Variants in SCG5 observed in about 807,000 individuals in gnomAD.
SCG5 encodes the protein neuroendocrine protein 7B2.
In SCG5, 18 loss-of-function variants were observed where a neutral mutation model predicts 25.7. The observed-to-expected ratio is 0.70, with a 90% CI of 0.48 to 1.04. The LOEUF is 1.04. Ranked by LOEUF, SCG5 falls within the 50% of genes least tolerant of loss-of-function variation. SCG5 has a pLI of 0.00. For synonymous variants in SCG5, 101 were observed against 91.7 expected, an observed-to-expected ratio of 1.10 and a Z score of -0.58; for missense variants, 206 against 259.8, an observed-to-expected ratio of 0.79 and a Z score of 1.42.
Position 32,697,081 on chromosome 15 carries a change from T to C in SCG5, c.*472T>C, listed in dbSNP as rs557662195. 6.5e-6 allele frequency: 1 copy of C among 153,764 alleles called. No individual in the cohort carries two copies. Among genetic ancestry groups the C allele is most frequent in the African/African-American group, 2.4e-5 (1 of 41,608 alleles). 9.5% of individuals were successfully genotyped at this position (153,764 alleles called of 1,614,324 possible). On this transcript the variant is annotated 3_prime_UTR_variant, in exon 6 of 6. Coordinates refer to ENST00000300175, the MANE Select transcript of SCG5 (RefSeq NM_001144757.3). Reference sequence around the variant, plus strand: ...TCACTTGGCTGCGTCTTAATAAACATGAATGCAAGCATTGGCATATGGAGT... The same window carrying C: ...TCACTTGGCTGCGTCTTAATAAACACGAATGCAAGCATTGGCATATGGAGT...
intron 2 of SCG5, among the ~76,000 whole-genome samples, chr15:32,670,686 C>T (rs1037012016): frequency 2.0e-5 from 3 of 152,216 alleles, no homozygotes; most frequent in African/African-American, 7.2e-5. Flanking sequence ...GCACAAACAT[C>T]AGATGTGTGT....
Position 32,643,727 on chromosome 15 carries a change from T to A in SCG5, c.135T>A (p.His45Gln), listed in dbSNP as rs763500021. 6.2e-7 allele frequency: 1 copy of A among 1,613,858 alleles called. No homozygotes were observed. The highest frequency in any genetic ancestry group is 1.1e-5 in the South Asian group (1 of 91,088). Reference protein sequence around the residue: ...VSEADIQRLLHGVMEQLGIAR... With the variant: ...VSEADIQRLLQGVMEQLGIAR... Reference sequence around the variant, plus strand: ...AAGCAGATATCCAGAGGCTGCTTCATGGTGTTATGGAGCAATTGGGCATTG... The same window carrying A: ...AAGCAGATATCCAGAGGCTGCTTCAAGGTGTTATGGAGCAATTGGGCATTG... Residue 45 changes from histidine to glutamine, a missense_variant, in exon 2 of 6, where the codon CAT becomes CAA. Transcript: ENST00000300175.
chr15:32,676,448 G>T (rs2140563226), intron 2 of SCG5, among the ~76,000 whole-genome samples: 2 of 152,306 alleles, frequency 1.3e-5, no homozygotes. Flanking sequence ...GGCACTTAAT[G>T]CTAGGGTGCT....
chr15:32,673,163 AG>A (rs1464448635), intron 2 of SCG5: 2 of 152,164 alleles, frequency 1.3e-5, no homozygotes. Flanking sequence ...ATGGGGCAGC[AG>A]GATCCTTTCC....
intron 5 of SCG5, 69 bp from the exon 6 acceptor site, chr15:32,696,445 C>T (rs2054965556): frequency 9.0e-7 from 1 of 1,116,208 alleles, no homozygotes; most frequent in African/African-American, 1.5e-5. Context: ...CATTTCTTTT[C>T]TGAGATGTCT....
In SCG5 at chr15:32,648,383, C is replaced by T. The variant is rs545922324; in HGVS notation, c.226+4565C>T. 4.6e-5 allele frequency among the ~76,000 whole-genome samples: 7 copies of T among 152,196 alleles called. No homozygotes were observed. The South Asian group carries it at 8.3e-4, about 18-fold the overall frequency. On this transcript the variant is annotated intron_variant, in intron 2 of 5. Transcript: ENST00000300175. ...CCTGCTTCTATTCTTGATCCCTTTT[C>T]GATTGTTCTTCACAGGAAGAACAGG...
At chr15:32,693,431 T>C (rs957134726) in intron 5 of SCG5, among the ~76,000 whole-genome samples, 8 of 152,184 alleles carry the variant, frequency 5.3e-5, no homozygotes, top group Non-Finnish European at 8.8e-5. Context: ...TTCCTGTTCT[T>C]GGGCATCTAC....
At chr15:32,657,209 A>ATATATATATG in intron 2 of SCG5, among the ~76,000 whole-genome samples, 433 of 38,744 alleles carry the variant, frequency 0.011, 112 homozygotes, top group Middle Eastern at 0.033. Flanking sequence ...GTATATATAT[A>ATATATATATG]TATGTATGTA....
chr15:32,655,673 T>G (rs1455555142), intron 2 of SCG5, among the ~76,000 whole-genome samples: 1 of 152,168 alleles, frequency 6.6e-6, no homozygotes, highest in Non-Finnish European at 1.5e-5. Context: ...GATTAGACCT[T>G]GAGGACTTCA....
rs796385048 is a variant in SCG5, at chr15:32,663,078, T to TAA, written c.227-16687_227-16686dup. 1.9e-3 allele frequency among the ~76,000 whole-genome samples: 99 copies of TAA among 52,198 alleles called. 4 individuals are homozygous for TAA. The East Asian group carries it at 0.029, about 15-fold the overall frequency. The allele number at this position is 52,198 out of a possible 152,430, so 34.2% of individuals were successfully genotyped here. On this transcript the variant is annotated intron_variant, in intron 2 of 5. Coordinates refer to ENST00000300175, the MANE Select transcript of SCG5 (RefSeq NM_001144757.3). ...ATATATATATATATATATATATATATAATATATAATATGTTATATATACAC... is the reference window on the plus strand; with the variant it reads ...ATATATATATATATATATATATATATAAAATATATAATATGTTATATATACAC...
In SCG5 at chr15:32,690,806, G is replaced by GT. The variant is rs999024978; in HGVS notation, c.490-892dup. ...TTACCAGAACTCTGTGGTTGTCTTTGTTTTTTTTTTTTCTTAATGTCAGAG... is the reference window on the plus strand; with the variant it reads ...TTACCAGAACTCTGTGGTTGTCTTTGTTTTTTTTTTTTTCTTAATGTCAGAG... On this transcript the variant is annotated intron_variant, in intron 4 of 5. Transcript: ENST00000300175. 2.9e-3 allele frequency among the ~76,000 whole-genome samples: 415 copies of GT among 141,666 alleles called. 2 individuals carry two copies. The highest frequency in any genetic ancestry group is 4.6e-3 in the Admixed American group (65 of 14,138). 92.9% of individuals were successfully genotyped at this position (141,666 alleles called of 152,430 possible).
At chr15:32,678,709 T>C (rs2054568050) in intron 2 of SCG5, among the ~76,000 whole-genome samples, 1 of 152,162 alleles carries the variant, frequency 6.6e-6, no homozygotes, top group South Asian at 2.1e-4. Context: ...CTGAGGAAAA[T>C]TAATCCAAAA....
At chr15:32,686,542 T>A (rs1284681289) in intron 4 of SCG5, among the ~76,000 whole-genome samples, 1 of 152,030 alleles carries the variant, frequency 6.6e-6, no homozygotes, top group Non-Finnish European at 1.5e-5. Flanking sequence ...TTTCTTTGAA[T>A]GCATTTTAGA....
intron 3 of SCG5, among the ~76,000 whole-genome samples, chr15:32,682,604 C>T (rs192688493): frequency 6.6e-6 from 1 of 152,236 alleles, no homozygotes; most frequent in Non-Finnish European, 1.5e-5. Flanking sequence ...CAGACACTTT[C>T]TTGTCACAGG....
chr15:32,694,895 A>C (rs995332140), intron 5 of SCG5, among the ~76,000 whole-genome samples: 4 of 152,238 alleles, frequency 2.6e-5, no homozygotes, highest in African/African-American at 9.6e-5. Context: ...TTCAAGAGTC[A>C]TGGCAGGTTA....
At chr15:32,651,842 C>G (rs1432878766) in intron 2 of SCG5, among the ~76,000 whole-genome samples, 1 of 152,180 alleles carries the variant, frequency 6.6e-6, no homozygotes, top group Non-Finnish European at 1.5e-5. Context: ...TGTATGTTTA[C>G]AGTGTCCTGG....
intron 2 of SCG5, among the ~76,000 whole-genome samples, chr15:32,679,453 G>C (rs987508924): frequency 2.0e-5 from 3 of 151,900 alleles, no homozygotes; most frequent in Admixed American, 2.0e-4. Context: ...CGCCTACCTC[G>C]GCTTCGCAAA....
At chr15:32,673,379 C>A (rs1389016423) in intron 2 of SCG5, among the ~76,000 whole-genome samples, 2 of 152,096 alleles carry the variant, frequency 1.3e-5, no homozygotes, top group African/African-American at 4.8e-5. Context: ...TTTTAATAAG[C>A]CTGGCTCTCT....
chr15:32,696,052 T>A (rs183863271), intron 5 of SCG5, among the ~76,000 whole-genome samples: 1 of 152,340 alleles, frequency 6.6e-6, no homozygotes, highest in African/African-American at 2.4e-5. Flanking sequence ...AATTGTTTGG[T>A]AGTTGGTAGG....
Sources: gnomAD v4.1 joint callset for allele counts (sites outside exome capture counted in the v4.1 genomes callset) on GRCh38, gnomAD v4.1.1 for gene constraint, MANE v1.5 for transcripts, NCBI Gene and HGNC (gene_info 2026-07-23, HGNC 2026-07-21) for gene names.